DGKG: variants seen among roughly 807,000 people sequenced by gnomAD.
DGKG encodes the protein DAG kinase gamma.
Under a neutral mutation model 105.3 loss-of-function variants are expected in DGKG, and 78 were observed. The observed-to-expected ratio is 0.74, with a 90% CI of 0.62 to 0.89. DGKG has a LOEUF of 0.89. Ranked by LOEUF, DGKG falls within the 40% of genes least tolerant of loss-of-function variation. The pLI is 0.00. For missense variants in DGKG, 958 were observed against 1,020.1 expected (o/e 0.94, Z 0.83); for synonymous variants, 346 against 367.1 (o/e 0.94, Z 0.66).
rs116482839 is a variant in DGKG, at chr3:186,334,333, A to G, written c.-248-13626T>C. Among the ~76,000 whole-genome samples the G allele has an allele frequency of 2.2e-3, 337 of 152,338 alleles. 4 individuals are homozygous for G. The highest frequency in any genetic ancestry group is 7.5e-3 in the African/African-American group (310 of 41,576). Reference sequence around the variant, plus strand: ...GCTTCTCAGACCTACAGAGATTATTAGTACCATCTCTAGATTGTAAACTGA... The same window carrying G: ...GCTTCTCAGACCTACAGAGATTATTGGTACCATCTCTAGATTGTAAACTGA... On this transcript the variant is annotated intron_variant, in intron 1 of 24. Transcript: ENST00000265022.
chr3:186,297,328 T>C (rs1317978358), intron 5 of DGKG, 93 bp downstream of exon 5: 6 of 953,976 alleles, frequency 6.3e-6, no homozygotes, highest in Non-Finnish European at 8.5e-6. Context: ...CACAATTATA[T>C]GAAGACAGCA....
rs577442439 is a variant in DGKG at position 186,361,040 on chromosome 3, C to T, written c.-249+906G>A. Among the ~76,000 whole-genome samples, 77 of 152,350 alleles carry T rather than the reference C, an allele frequency of 5.1e-4. No homozygotes were observed. Among genetic ancestry groups the T allele is most frequent in the African/African-American group, 1.8e-3 (76 of 41,590 alleles). ...ACAGATCGCTTCGCGCTGCAGCAGACGCTCCCGCCGCGGGGGGCGACTGGG... is the reference window on the plus strand; with the variant it reads ...ACAGATCGCTTCGCGCTGCAGCAGATGCTCCCGCCGCGGGGGGCGACTGGG... On this transcript the variant is annotated intron_variant, in intron 1 of 24. Coordinates refer to ENST00000265022, the MANE Select transcript of DGKG (RefSeq NM_001346.3). The surrounding 1 kb of genome is among the most constrained non-coding windows in gnomAD (Gnocchi z 6.8).
At chr3:186,358,344 G>A (rs1024217396) in intron 1 of DGKG, among the ~76,000 whole-genome samples, 3 of 152,232 alleles carry the variant, frequency 2.0e-5, no homozygotes, top group African/African-American at 7.2e-5. Context: ...GGATGTTTCC[G>A]GACCTGAGCT....
At chr3:186,201,823 G>C (rs749961933) in intron 21 of DGKG, among the ~76,000 whole-genome samples, 1 of 152,200 alleles carries the variant, frequency 6.6e-6, no homozygotes, top group Non-Finnish European at 1.5e-5. Flanking sequence ...TAGGCATTGT[G>C]CTAAGTCCAG....
At chr3:186,151,379 C>A (rs776362700) in intron 24 of DGKG, among the ~76,000 whole-genome samples, 1 of 152,188 alleles carries the variant, frequency 6.6e-6, no homozygotes, top group African/African-American at 2.4e-5. Context: ...ACAGAACCAT[C>A]AACGAGTTTA....
intron 24 of DGKG, 52 bp downstream of exon 24, chr3:186,161,551 G>T: frequency 6.2e-7 from 1 of 1,613,396 alleles, no homozygotes; most frequent in South Asian, 1.1e-5. Context: ...GTGCCCAAAA[G>T]GGCTCAAAAA....
At chr3:186,266,716 G>A (rs1349887977) in intron 13 of DGKG, among the ~76,000 whole-genome samples, 1 of 152,140 alleles carries the variant, frequency 6.6e-6, no homozygotes, top group Non-Finnish European at 1.5e-5. Flanking sequence ...TCCTGCCTCA[G>A]CCTCCCCAGT....
At chr3:186,320,337 T>C (rs1725020810) in intron 2 of DGKG, 56 bp downstream of exon 2, 1 of 1,609,338 alleles carries the variant, frequency 6.2e-7, no homozygotes, top group Admixed American at 1.7e-5. Context: ...TTTCCAGAAA[T>C]GATTTCTCCA....
intron 1 of DGKG, among the ~76,000 whole-genome samples, chr3:186,323,067 G>A (rs572882299): frequency 8.4e-4 from 128 of 152,136 alleles, no homozygotes; most frequent in African/African-American, 3.0e-3. Flanking sequence ...CCTGCCTTGC[G>A]CTTTGTTCTC....
intron 1 of DGKG, among the ~76,000 whole-genome samples, chr3:186,331,630 TG>T (rs763646132): frequency 2.0e-5 from 3 of 151,764 alleles, no homozygotes; most frequent in Non-Finnish European, 4.4e-5. Flanking sequence ...GAGCTGGGAG[TG>T]GCTGGTACCC....
At chr3:186,230,688 C>A (rs1407780631) in intron 20 of DGKG, among the ~76,000 whole-genome samples, 1 of 152,042 alleles carries the variant, frequency 6.6e-6, no homozygotes, top group Non-Finnish European at 1.5e-5. Context: ...TCGAGATGGG[C>A]CAGAGGGTGG....
At chr3:186,318,739 C>T (rs1330056304) in intron 2 of DGKG, among the ~76,000 whole-genome samples, 2 of 152,196 alleles carry the variant, frequency 1.3e-5, no homozygotes, top group African/African-American at 2.4e-5. Context: ...TTCTCCACAG[C>T]TCTCAGAAGG....
chr3:186,323,347 T>C (rs1725172261), intron 1 of DGKG, among the ~76,000 whole-genome samples: 1 of 152,238 alleles, frequency 6.6e-6, no homozygotes, highest in Non-Finnish European at 1.5e-5. Context: ...CTTTACTCTG[T>C]GCTATATGCT....
intron 16 of DGKG, among the ~76,000 whole-genome samples, chr3:186,259,086 C>T (rs567663749): frequency 3.3e-5 from 5 of 152,118 alleles, no homozygotes; most frequent in Non-Finnish European, 7.3e-5. Context: ...CCTTCTCTTG[C>T]AGAACTCTGC....
At chr3:186,242,190 C>T (rs76710150) in intron 20 of DGKG, among the ~76,000 whole-genome samples, 7,740 of 152,270 alleles carry the variant, frequency 0.051, 283 homozygotes, top group Non-Finnish European at 0.076. Context: ...AGACTCAGGA[C>T]GGGGGTTCCA....
At chr3:186,247,970 T>G (rs1721024976) in intron 19 of DGKG, among the ~76,000 whole-genome samples, 1 of 152,092 alleles carries the variant, frequency 6.6e-6, no homozygotes, top group South Asian at 2.1e-4. Flanking sequence ...ACTTCCTTCC[T>G]TCCTTCTTTC....
intron 21 of DGKG, among the ~76,000 whole-genome samples, chr3:186,209,093 CT>C (rs34226259): frequency 0.54 from 47,761 of 89,068 alleles, 11,524 homozygotes; most frequent in East Asian, 0.8. Flanking sequence ...GTTTACTCTT[CT>C]TTTTTTTTTT....
At chr3:186,317,832 G>A (rs1215054469) in intron 2 of DGKG, among the ~76,000 whole-genome samples, 2 of 152,174 alleles carry the variant, frequency 1.3e-5, no homozygotes, top group Non-Finnish European at 2.9e-5. Flanking sequence ...CAGGAACTGT[G>A]TCTCATTTAT....
At chr3:186,223,120 T>C (rs1464221238) in intron 20 of DGKG, among the ~76,000 whole-genome samples, 2 of 148,676 alleles carry the variant, frequency 1.3e-5, no homozygotes, top group African/African-American at 2.5e-5. Context: ...GATTCTGAGT[T>C]CCAACTTAAA....
Sources: allele counts gnomAD v4.1 joint callset (sites outside exome capture counted in the v4.1 genomes callset), GRCh38; gene constraint gnomAD v4.1.1; non-coding constraint Gnocchi (gnomAD v3.1); transcripts MANE v1.5; gene names NCBI Gene and HGNC (gene_info 2026-07-23, HGNC 2026-07-21).